Variants in CTNND2 observed in about 807,000 individuals in gnomAD.
The protein encoded by CTNND2 is catenin delta 2, also known as catenin delta-2.
Under a neutral mutation model 144.4 loss-of-function variants are expected in CTNND2, and 22 were observed. That is an observed-to-expected ratio of 0.15 (90% CI 0.11 to 0.22). CTNND2 has a LOEUF of 0.22. Among genes scored for constraint, CTNND2 ranks in the 10% least tolerant of loss-of-function variants. The probability of loss-of-function intolerance (pLI) is 1.00; values close to 1 mark genes in which losing one functional copy is unlikely to be tolerated. For missense variants in CTNND2, 1,353 were observed against 1,618.8 expected (o/e 0.84, Z 2.82); for synonymous variants, 751 against 695.6 (o/e 1.08, Z -1.25).
At chr5:11,248,015 T>C (rs1190226464) in intron 9 of CTNND2, among the ~76,000 whole-genome samples, 4 of 152,112 alleles carry the variant, frequency 2.6e-5, no homozygotes, top group Non-Finnish European at 5.9e-5. Flanking sequence ...AGGGAAAAAA[T>C]ACAAATTAGT....
chr5:10,973,434 A>C lies in CTNND2; in HGVS notation c.*19T>G. 1 of 1,549,062 alleles carries C rather than the reference A, an allele frequency of 6.5e-7. No individual in the cohort carries two copies. Among genetic ancestry groups the C allele is most frequent in the South Asian group, 1.2e-5 (1 of 80,484 alleles). On this transcript the variant is annotated 3_prime_UTR_variant, in exon 22 of 22. Transcript: ENST00000304623. This position sits in a 1 kb window ranked among gnomAD's most constrained non-coding sequence, Gnocchi z 5.6. ...ATGCATGCACATGCACTGTTCCCGG[A>C]GCGCCTGTGCCCTGCTCCTCACACC...
chr5:11,744,340 G>A (rs980230950), intron 1 of CTNND2, among the ~76,000 whole-genome samples: 8 of 152,220 alleles, frequency 5.3e-5, no homozygotes, highest in African/African-American at 1.9e-4. Context: ...CACCACAGGT[G>A]AAGCAAGGAA....
chr5:11,180,918 C>G (rs529005499), intron 11 of CTNND2, among the ~76,000 whole-genome samples: 71 of 152,316 alleles, frequency 4.7e-4, no homozygotes, highest in African/African-American at 1.6e-3. Context: ...GCTGAGCACT[C>G]CCGGTTGCCT....
At chr5:11,417,916 TAAAC>T (rs1432526089) in intron 3 of CTNND2, among the ~76,000 whole-genome samples, 1 of 152,126 alleles carries the variant, frequency 6.6e-6, no homozygotes, top group Non-Finnish European at 1.5e-5. Context: ...AATAGAAAAA[TAAAC>T]AAATATAATA....
At chr5:11,731,623 A>G (rs1288227515) in intron 2 of CTNND2, among the ~76,000 whole-genome samples, 1 of 152,196 alleles carries the variant, frequency 6.6e-6, no homozygotes, top group Non-Finnish European at 1.5e-5. Context: ...GCAAAGTAAC[A>G]TTGGAGGAAG....
intron 1 of CTNND2, among the ~76,000 whole-genome samples, chr5:11,877,467 C>A (rs752456532): frequency 6.6e-6 from 1 of 152,026 alleles, no homozygotes; most frequent in Non-Finnish European, 1.5e-5. Flanking sequence ...TTCTTAGAAT[C>A]ATCATTATAA....
At chr5:11,160,950 T>C (rs1429380882) in intron 11 of CTNND2, among the ~76,000 whole-genome samples, 3 of 152,190 alleles carry the variant, frequency 2.0e-5, no homozygotes, top group Non-Finnish European at 4.4e-5. Context: ...AAAGCAACTA[T>C]AAAGTTCAAT....
intron 2 of CTNND2, among the ~76,000 whole-genome samples, chr5:11,663,104 A>C (rs1783363315): frequency 6.6e-6 from 1 of 152,190 alleles, no homozygotes; most frequent in Non-Finnish European, 1.5e-5. Flanking sequence ...GTCTAAGGAA[A>C]TGCAAGACTC....
At chr5:11,822,188 A>G (rs1381907548) in intron 1 of CTNND2, among the ~76,000 whole-genome samples, 1 of 152,210 alleles carries the variant, frequency 6.6e-6, no homozygotes, top group Non-Finnish European at 1.5e-5. Context: ...ATGACAGAAC[A>G]GGAATGTGAG....
intron 2 of CTNND2, among the ~76,000 whole-genome samples, chr5:11,664,553 C>T (rs2126580407): frequency 6.6e-6 from 1 of 152,258 alleles, no homozygotes; most frequent in Middle Eastern, 3.4e-3. Flanking sequence ...TGCACTCCAG[C>T]CTGGTGACAG....
At chr5:11,734,889 A>G (rs748986864) in intron 1 of CTNND2, among the ~76,000 whole-genome samples, 5 of 152,196 alleles carry the variant, frequency 3.3e-5, no homozygotes, top group Non-Finnish European at 7.3e-5. Flanking sequence ...ATTTGTTTTA[A>G]TTTTATGAAG....
In CTNND2 at chr5:11,461,959, T is replaced by C. The variant is rs961370866; in HGVS notation, c.288-49890A>G. Among the ~76,000 whole-genome samples, 4 of 152,104 alleles carry C rather than the reference T, an allele frequency of 2.6e-5. No homozygotes were observed. The East Asian group carries it at 5.8e-4, about 22-fold the overall frequency. On this transcript the variant is annotated intron_variant, in intron 3 of 21. Coordinates refer to ENST00000304623, the MANE Select transcript of CTNND2 (RefSeq NM_001332.4). ...AGGTGGTACTGGATAACCTAGGTTA[T>C]ATTGAGTCTTAGGGTCTGTTCTGAA...
At chr5:10,997,854 T>A (rs1211994541) in intron 18 of CTNND2, among the ~76,000 whole-genome samples, 1 of 152,148 alleles carries the variant, frequency 6.6e-6, no homozygotes, top group Non-Finnish European at 1.5e-5. Context: ...TGGCTAAATA[T>A]TTATTATGTT....
intron 9 of CTNND2, among the ~76,000 whole-genome samples, chr5:11,250,455 T>TTCTCTC (rs1561093391): frequency 1.1e-4 from 8 of 72,986 alleles, no homozygotes; most frequent in Admixed American, 6.0e-4. Flanking sequence ...ATTTAAAGGG[T>TTCTCTC]GCTCTCTCTC....
At chr5:10,999,732 A>T (rs184943174) in intron 18 of CTNND2, among the ~76,000 whole-genome samples, 1 of 152,326 alleles carries the variant, frequency 6.6e-6, no homozygotes, top group East Asian at 1.9e-4. Flanking sequence ...GTATATAGAG[A>T]TAGAAATCCA....
chr5:11,354,625 G>A (rs1755672856), intron 8 of CTNND2, among the ~76,000 whole-genome samples: 1 of 152,140 alleles, frequency 6.6e-6, no homozygotes, highest in African/African-American at 2.4e-5. Context: ...ATTATTATTA[G>A]ACCTAAAGGA....
intron 3 of CTNND2, among the ~76,000 whole-genome samples, chr5:11,453,322 CAATGACAT>C (rs1239575042): frequency 1.4e-4 from 22 of 152,198 alleles, no homozygotes; most frequent in Admixed American, 1.4e-3. Context: ...ATGTTATCAA[CAATGACAT>C]ATGCGGCTGC....
At chr5:11,545,131 A>G (rs1169262785) in intron 3 of CTNND2, among the ~76,000 whole-genome samples, 1 of 148,680 alleles carries the variant, frequency 6.7e-6, no homozygotes, top group African/African-American at 2.5e-5. Flanking sequence ...AAAAAAAAAA[A>G]AAAAGGAAAA....
chr5:11,377,231 T>G (rs1758027574), intron 7 of CTNND2, among the ~76,000 whole-genome samples: 1 of 151,844 alleles, frequency 6.6e-6, no homozygotes, highest in Non-Finnish European at 1.5e-5. Context: ...TTTTTTTGTA[T>G]TTTTTAGTAG....
Sources: gnomAD v4.1 joint callset for allele counts (sites outside exome capture counted in the v4.1 genomes callset) on GRCh38, gnomAD v4.1.1 for gene constraint, Gnocchi (gnomAD v3.1) non-coding constraint, MANE v1.5 for transcripts, NCBI Gene and HGNC (gene_info 2026-07-23, HGNC 2026-07-21) for gene names.